Variants in CDH20 observed in about 807,000 individuals in gnomAD.
The protein encoded by CDH20 is cadherin-20.
In CDH20, 29 loss-of-function variants were observed where a neutral mutation model predicts 74.2. The observed-to-expected ratio is 0.39, with a 90% CI of 0.29 to 0.53. The LOEUF (loss-of-function observed/expected upper bound fraction) is 0.53. CDH20 is among the 20% of genes least tolerant of loss of function. The probability of loss-of-function intolerance (pLI) is 0.69; values close to 1 mark genes in which losing one functional copy is unlikely to be tolerated. For synonymous variants in CDH20, 469 were observed against 405.4 expected (o/e 1.16, Z -1.88); for missense variants, 988 against 1,048.3 (o/e 0.94, Z 0.79).
rs933881086 is a variant in CDH20, at chr18:61,424,501, A to G, written c.-152-65901A>G. ...TAATTTGCTCTAGGTTAGATACTAT[A>G]CCCTTCTCAATCAATACAATATTTG... is the stretch of plus-strand genomic sequence containing the variant. On this transcript the variant is annotated intron_variant, in intron 1 of 11. Coordinates refer to ENST00000262717, the MANE Select transcript of CDH20 (RefSeq NM_031891.4). 4.6e-5 allele frequency among the ~76,000 whole-genome samples: 7 copies of G among 152,240 alleles called. No individual in the cohort carries two copies. The South Asian group carries it at 8.3e-4, about 18-fold the overall frequency.
chr18:61,539,168 C>A (rs1002126730), intron 9 of CDH20, 23 bp downstream of exon 9: 2 of 1,612,002 alleles, frequency 1.2e-6, no homozygotes, highest in African/African-American at 2.7e-5. Context: ...GTGGGTGGTG[C>A]ACTCTGCTTA....
At chr18:61,340,826 T>C (rs1848034200) in intron 1 of CDH20, among the ~76,000 whole-genome samples, 1 of 152,220 alleles carries the variant, frequency 6.6e-6, no homozygotes, top group African/African-American at 2.4e-5. Flanking sequence ...AGCAATTTAA[T>C]TAAAAATTGG....
intron 11 of CDH20, among the ~76,000 whole-genome samples, 155 bp from the exon 12 acceptor site, chr18:61,554,035 T>C (rs1312095294): frequency 6.6e-6 from 1 of 152,156 alleles, no homozygotes; most frequent in South Asian, 2.1e-4. Flanking sequence ...GGACTTAAAT[T>C]AGAACTCCCC....
intron 1 of CDH20, among the ~76,000 whole-genome samples, chr18:61,347,287 A>AATATATATATATATATATATATATAT (rs758677743): frequency 2.3e-5 from 2 of 86,458 alleles, no homozygotes; most frequent in African/African-American, 1.2e-4. Flanking sequence ...TGTCTCTGCT[A>AATATATATATATATATATATATATAT]ATATATATAT....
intron 1 of CDH20, among the ~76,000 whole-genome samples, chr18:61,370,828 T>C (rs1911011612): frequency 6.6e-6 from 1 of 152,092 alleles, no homozygotes; most frequent in Non-Finnish European, 1.5e-5. Context: ...CAATAATAGA[T>C]CAACATCAAA....
At chr18:61,485,768 G>A (rs919821601) in intron 1 of CDH20, among the ~76,000 whole-genome samples, 15 of 152,120 alleles carry the variant, frequency 9.9e-5, no homozygotes, top group East Asian at 1.9e-4. Context: ...GTTCTCTCTC[G>A]AGAAATAGAA....
intron 1 of CDH20, among the ~76,000 whole-genome samples, chr18:61,418,476 C>A (rs1394388669): frequency 1.3e-5 from 2 of 149,794 alleles, no homozygotes; most frequent in East Asian, 4.0e-4. Context: ...ATGGCATGAA[C>A]CCGGGAGGCG....
At chr18:61,356,582 T>G (rs1178368173) in intron 1 of CDH20, among the ~76,000 whole-genome samples, 2 of 152,226 alleles carry the variant, frequency 1.3e-5, no homozygotes, top group East Asian at 3.9e-4. Flanking sequence ...TTTACTTTGG[T>G]TCTTATTTTA....
intron 1 of CDH20, among the ~76,000 whole-genome samples, chr18:61,473,061 T>G (rs984731616): frequency 6.6e-6 from 1 of 152,266 alleles, no homozygotes; most frequent in Non-Finnish European, 1.5e-5. Context: ...CAAAGGCATC[T>G]GATTAAACAC....
intron 1 of CDH20, among the ~76,000 whole-genome samples, chr18:61,453,648 C>T (rs1205753473): frequency 6.6e-6 from 1 of 152,204 alleles, no homozygotes; most frequent in Non-Finnish European, 1.5e-5. Flanking sequence ...TCAATGACTT[C>T]CTTTATTGCT....
intron 1 of CDH20, among the ~76,000 whole-genome samples, chr18:61,420,541 T>A (rs1339621461): frequency 6.6e-6 from 1 of 152,222 alleles, no homozygotes; most frequent in Non-Finnish European, 1.5e-5. Context: ...AACACTAGAA[T>A]AGGAATTGAT....
chr18:61,523,811 G>A (rs1912295244), intron 6 of CDH20, among the ~76,000 whole-genome samples: 2 of 152,082 alleles, frequency 1.3e-5, no homozygotes, highest in African/African-American at 4.8e-5. Flanking sequence ...CTAACACATG[G>A]ACAGAAAACT....
chr18:61,377,822 G>A (rs756190229), intron 1 of CDH20, among the ~76,000 whole-genome samples: 2 of 151,998 alleles, frequency 1.3e-5, no homozygotes, highest in East Asian at 1.9e-4. Flanking sequence ...TCTATGTTAC[G>A]GTTCACTCCA....
intron 1 of CDH20, among the ~76,000 whole-genome samples, chr18:61,383,829 C>T (rs899497006): frequency 1.3e-5 from 2 of 152,054 alleles, no homozygotes; most frequent in African/African-American, 2.4e-5. Flanking sequence ...TGAGCACAGC[C>T]ATGGTGAGGC....
In CDH20 at chr18:61,349,333, G is replaced by T. The variant is rs150567045; in HGVS notation, c.-153+15506G>T. 1.2e-3 allele frequency among the ~76,000 whole-genome samples: 179 copies of T among 152,278 alleles called. 1 individual carries two copies. The highest frequency in any genetic ancestry group is 3.4e-3 in the Middle Eastern group (1 of 294). On this transcript the variant is annotated intron_variant, in intron 1 of 11. Coordinates refer to ENST00000262717, the MANE Select transcript of CDH20 (RefSeq NM_031891.4). ...GGAAAACAGAAGACTTTCATGAACT[G>T]TTAGCAGTTTGAAATTCTAATTTAC... is the stretch of plus-strand genomic sequence containing the variant.
At chr18:61,355,129 G>A (rs1910454698) in intron 1 of CDH20, among the ~76,000 whole-genome samples, 1 of 152,196 alleles carries the variant, frequency 6.6e-6, no homozygotes, top group African/African-American at 2.4e-5. Flanking sequence ...TTAATATGTT[G>A]ATGAAAGTTT....
At chr18:61,471,197 GAAA>G (rs1359858070) in intron 1 of CDH20, among the ~76,000 whole-genome samples, 1 of 152,144 alleles carries the variant, frequency 6.6e-6, no homozygotes, top group Non-Finnish European at 1.5e-5. Flanking sequence ...TGAACAGAAG[GAAA>G]ATGTTTGTAG....
chr18:61,378,522 C>T lies in CDH20; in HGVS notation c.-153+44695C>T, dbSNP rs761378597. ...AGAGCAAGCTGCTGTACTCAGTCTACGGGCTCAGATTTTAATCTCATCCAG... is the reference window on the plus strand; with the variant it reads ...AGAGCAAGCTGCTGTACTCAGTCTATGGGCTCAGATTTTAATCTCATCCAG... On this transcript the variant is annotated intron_variant, in intron 1 of 11. Coordinates refer to ENST00000262717, the MANE Select transcript of CDH20 (RefSeq NM_031891.4). 3.4e-4 allele frequency among the ~76,000 whole-genome samples: 52 copies of T among 152,138 alleles called. 1 individual carries two copies. Among genetic ancestry groups the T allele is most frequent in the Admixed American group, 2.4e-3 (36 of 15,270 alleles).
intron 1 of CDH20, among the ~76,000 whole-genome samples, chr18:61,448,174 T>C (rs778226271): frequency 1.3e-5 from 2 of 152,140 alleles, no homozygotes; most frequent in Non-Finnish European, 2.9e-5. Context: ...TCATTAAATA[T>C]CAAAAAGGAA....
Sources: gnomAD v4.1 joint callset for allele counts (sites outside exome capture counted in the v4.1 genomes callset) on GRCh38, gnomAD v4.1.1 for gene constraint, MANE v1.5 for transcripts, NCBI Gene and HGNC (gene_info 2026-07-23, HGNC 2026-07-21) for gene names.